Variants in PRKCH observed in about 807,000 individuals in gnomAD.
PRKCH encodes protein kinase C eta, also known as protein kinase C eta type.
A neutral mutation model predicts 82.5 loss-of-function variants in PRKCH; 28 were observed. That is an observed-to-expected ratio of 0.34 (90% confidence interval 0.25 to 0.47). The LOEUF is 0.47. Among genes scored for constraint, PRKCH ranks in the 20% least tolerant of loss-of-function variants. PRKCH has a pLI of 1.00. For synonymous variants in PRKCH, 322 were observed against 327.4 expected, an observed-to-expected ratio of 0.98 and a Z score of 0.18; for missense variants, 705 against 881.8, an observed-to-expected ratio of 0.80 and a Z score of 2.54.
chr14:61,538,582 T>C (rs2043142563), intron 12 of PRKCH, among the ~76,000 whole-genome samples: 1 of 152,258 alleles, frequency 6.6e-6, no homozygotes. Context: ...TCATGCTGCA[T>C]GTCTCATTTA....
At chr14:61,436,478 A>T (rs1883685055) in intron 2 of PRKCH, among the ~76,000 whole-genome samples, 1 of 152,206 alleles carries the variant, frequency 6.6e-6, no homozygotes, top group Non-Finnish European at 1.5e-5. Context: ...GTTTTCAAAA[A>T]ACACAGAGGA....
At chr14:61,427,369 G>A (rs1020928947) in intron 2 of PRKCH, among the ~76,000 whole-genome samples, 5 of 152,016 alleles carry the variant, frequency 3.3e-5, no homozygotes, top group African/African-American at 1.2e-4. Context: ...GACAATAGAT[G>A]GCAAATGTTT....
chr14:61,504,388 C>G (rs765745386), intron 10 of PRKCH, among the ~76,000 whole-genome samples: 1 of 152,186 alleles, frequency 6.6e-6, no homozygotes, highest in East Asian at 1.9e-4. Flanking sequence ...TGGGGTCTCA[C>G]TATATTGGCC....
intron 1 of PRKCH, among the ~76,000 whole-genome samples, chr14:61,339,285 A>T (rs1474715237): frequency 6.8e-6 from 1 of 147,702 alleles, no homozygotes; most frequent in Admixed American, 6.7e-5. Flanking sequence ...CTGTGTTTTC[A>T]TCCTCTCCTG....
intron 1 of PRKCH, among the ~76,000 whole-genome samples, chr14:61,199,823 C>T (rs975491590): frequency 3.9e-5 from 6 of 152,148 alleles, no homozygotes; most frequent in African/African-American, 1.2e-4. Context: ...TTAAGCTGCA[C>T]GCAAAGAATA....
At chr14:61,371,757 A>T (rs959812901) in intron 1 of PRKCH, among the ~76,000 whole-genome samples, 6 of 152,006 alleles carry the variant, frequency 3.9e-5, no homozygotes, top group Non-Finnish European at 8.8e-5. Flanking sequence ...TTCTTTCCAT[A>T]CTGTACTCTT....
chr14:61,544,115 C>G (rs2043223362), intron 12 of PRKCH: 1 of 152,234 alleles, frequency 6.6e-6, no homozygotes, highest in African/African-American at 2.4e-5. Flanking sequence ...CATCCTCCAG[C>G]TGCCACTCTG....
At chr14:61,318,135 A>G (rs2140113480), upstream of PRKCH, among the ~76,000 whole-genome samples, 1 of 151,692 alleles carries the variant, frequency 6.6e-6, no homozygotes, top group Non-Finnish European at 1.5e-5. Context: ...GTGCAGTAGC[A>G]TGATCATAGG....
At chr14:61,382,312 C>G (rs2046522815) in intron 1 of PRKCH, among the ~76,000 whole-genome samples, 1 of 152,120 alleles carries the variant, frequency 6.6e-6, no homozygotes, top group Non-Finnish European at 1.5e-5. Flanking sequence ...CACCCATAAT[C>G]CCAGCTACAC....
intron 1 of PRKCH, among the ~76,000 whole-genome samples, chr14:61,276,243 A>AT (rs1214469111): frequency 1.3e-5 from 2 of 152,112 alleles, no homozygotes; most frequent in African/African-American, 2.4e-5. Context: ...ATTAAAGTTA[A>AT]TTTTTTTAAA....
intron 2 of PRKCH, among the ~76,000 whole-genome samples, chr14:61,413,403 GC>G (rs1319235981): frequency 0.016 from 672 of 40,928 alleles, 23 homozygotes; most frequent in African/African-American, 0.039. Context: ...CTTTTTAAGC[GC>G]CCCCCCCCCG....
At chr14:61,219,485 A>T (rs575599443) in intron 1 of PRKCH, among the ~76,000 whole-genome samples, 2 of 152,230 alleles carry the variant, frequency 1.3e-5, no homozygotes, top group East Asian at 3.9e-4. Context: ...ATTTCTCTTT[A>T]ATACCAGTTT....
chr14:61,322,631 T>A, intron 1 of PRKCH, 167 bp downstream of exon 1: 2 of 942,818 alleles, frequency 2.1e-6, no homozygotes, highest in Non-Finnish European at 3.1e-6. Context: ...GCGACCGCGG[T>A]GGGTGTGTGC....
chr14:61,485,465 T>C, intron 9 of PRKCH, 37 bp from the exon 10 acceptor site: 1 of 1,606,126 alleles, frequency 6.2e-7, no homozygotes, highest in Non-Finnish European at 8.5e-7. Flanking sequence ...GGTTAATTGC[T>C]ACACCACATT....
At chr14:61,522,788 A>G (rs2042922192) in intron 10 of PRKCH, among the ~76,000 whole-genome samples, 1 of 152,272 alleles carries the variant, frequency 6.6e-6, no homozygotes, top group African/African-American at 2.4e-5. Flanking sequence ...TTTGCTTACT[A>G]TTGTATCCCA....
chr14:61,481,852 A>T (rs1209829895), intron 9 of PRKCH, among the ~76,000 whole-genome samples: 1 of 152,148 alleles, frequency 6.6e-6, no homozygotes, highest in East Asian at 1.9e-4. Context: ...AAGCATTGGC[A>T]GCTTCAGCAG....
intron 1 of PRKCH, among the ~76,000 whole-genome samples, chr14:61,388,060 A>G (rs751247533): frequency 5.9e-5 from 9 of 151,820 alleles, no homozygotes; most frequent in Non-Finnish European, 1.0e-4. Flanking sequence ...AGGCAGGAGA[A>G]TCACTTGAAC....
chr14:61,468,275 A>C (rs1458896694), intron 9 of PRKCH, among the ~76,000 whole-genome samples: 1 of 152,192 alleles, frequency 6.6e-6, no homozygotes, highest in East Asian at 1.9e-4. Flanking sequence ...CAAAATAGAA[A>C]ATGAGCCAGA....
At chr14:61,443,638 A>C (rs1266201074) in intron 3 of PRKCH, among the ~76,000 whole-genome samples, 3 of 152,242 alleles carry the variant, frequency 2.0e-5, no homozygotes, top group Non-Finnish European at 2.9e-5. Flanking sequence ...CATGAATCGC[A>C]TAATGACTTA....
Sources: allele counts gnomAD v4.1 joint callset (sites outside exome capture counted in the v4.1 genomes callset), GRCh38; gene constraint gnomAD v4.1.1; transcripts MANE v1.5; gene names NCBI Gene and HGNC (gene_info 2026-07-23, HGNC 2026-07-21).